Variants in MORF4L1 observed in about 807,000 individuals in gnomAD.
MORF4L1 encodes the protein mortality factor 4 like 1.
Under a neutral mutation model 52.9 loss-of-function variants are expected in MORF4L1, and 4 were observed. That is an observed-to-expected ratio of 0.08 (90% CI 0.04 to 0.17). The LOEUF (loss-of-function observed/expected upper bound fraction) is 0.17. Among genes scored for constraint, MORF4L1 ranks in the 10% least tolerant of loss-of-function variants. MORF4L1 has a pLI of 1.00. For missense variants in MORF4L1, 214 were observed against 390.4 expected, an observed-to-expected ratio of 0.55 and a Z score of 3.81; for synonymous variants, 123 against 134.8, an observed-to-expected ratio of 0.91 and a Z score of 0.61.
intron 6 of MORF4L1, 164 bp downstream of exon 6, chr15:78,891,178 CT>C (rs1277713864): frequency 6.7e-6 from 6 of 894,262 alleles, no homozygotes; most frequent in Non-Finnish European, 1.0e-5. Context: ...GTAGAGACCT[CT>C]TTTTGCCAAG....
At position 78,894,920 on chromosome 15, in the gene MORF4L1, A is replaced by G. The variant is rs1261699748; in HGVS notation, c.887+16A>G. On this transcript the variant is annotated intron_variant, in intron 11 of 11. Coordinates refer to ENST00000426013, the MANE Select transcript of MORF4L1 (RefSeq NM_006791.4). Reference sequence around the variant, plus strand: ...ATTTCCTAAAGTAAGTCTGTGCTTGAAATTATAAACATGGATTTGAAAATT... The same window carrying G: ...ATTTCCTAAAGTAAGTCTGTGCTTGGAATTATAAACATGGATTTGAAAATT... 1 of 1,592,946 alleles carries G rather than the reference A, an allele frequency of 6.3e-7. No homozygotes were observed. Among genetic ancestry groups the G allele is most frequent in the East Asian group, 2.2e-5 (1 of 44,758 alleles).
intron 11 of MORF4L1, among the ~76,000 whole-genome samples, chr15:78,896,073 G>T (rs2056882770): frequency 6.6e-6 from 1 of 152,072 alleles, no homozygotes; most frequent in African/African-American, 2.4e-5. Flanking sequence ...CCGCCTCTTG[G>T]GTTCAAACGA....
At chr15:78,873,223 G>A (rs540527005) in intron 1 of MORF4L1, 166 bp downstream of exon 1, 2 of 1,512,766 alleles carry the variant, frequency 1.3e-6, no homozygotes, top group African/African-American at 1.4e-5. Flanking sequence ...ATTCCGGTGC[G>A]TCATTGTGAG....
chr15:78,878,266 A>G lies in MORF4L1; in HGVS notation c.87+7A>G. 1.2e-6 allele frequency: 2 copies of G among 1,610,602 alleles called. No individual in the cohort carries two copies. The highest frequency in any genetic ancestry group is 8.5e-7 in the Non-Finnish European group (1 of 1,179,160). Reference sequence around the variant, plus strand: ...TCTTCTTTATGAAGCAAAGGTATGAAACTTGTTTTCTTTTGAGAAGTTGGC... The same window carrying G: ...TCTTCTTTATGAAGCAAAGGTATGAGACTTGTTTTCTTTTGAGAAGTTGGC... On this transcript the variant is annotated splice_region_variant and intron_variant, in intron 2 of 11. Coordinates refer to ENST00000426013, the MANE Select transcript of MORF4L1 (RefSeq NM_006791.4).
Position 78,892,114 on chromosome 15 carries a change from A to G in MORF4L1, c.439-98A>G, listed in dbSNP as rs1025740681. ...GTACAGCTGTATGCTTGGCTACTTTAAGATTTATCCCTAGTGCCTCTAAAA... is the reference window on the plus strand; with the variant it reads ...GTACAGCTGTATGCTTGGCTACTTTGAGATTTATCCCTAGTGCCTCTAAAA... On this transcript the variant is annotated intron_variant, in intron 7 of 11. Transcript: ENST00000426013. 2.5e-5 allele frequency: 18 copies of G among 712,924 alleles called. 1 individual carries two copies. Among genetic ancestry groups the G allele is most frequent in the Admixed American group, 8.2e-5 (3 of 36,708 alleles). 44.2% of individuals were successfully genotyped at this position (712,924 alleles called of 1,614,324 possible). A position where few individuals can be genotyped will look rare whatever the true frequency, so the allele number is the denominator to read the frequency against.
In MORF4L1 at chr15:78,891,004, C is replaced by A; in HGVS notation, c.339C>A (p.Asn113Lys). The A allele has an allele frequency of 6.9e-7, 1 of 1,454,746 alleles. No homozygotes were observed. Among genetic ancestry groups the A allele is most frequent in the Non-Finnish European group, 9.2e-7 (1 of 1,082,818 alleles). 90.1% of individuals were successfully genotyped at this position (1,454,746 alleles called of 1,614,324 possible). ...QKNVEVKTKKNKQKTPGNGDG... is the reference protein window; with the variant it reads ...QKNVEVKTKKKKQKTPGNGDG... ...CTCCTTTTAGGAAAACGAAAAAGAA[C>A]AAACAGAAAAGTAAGAATATTAACT... Residue 113 changes from asparagine (N) to lysine (K), a missense_variant, in exon 6 of 12, where the codon AAC (asparagine) becomes AAA (lysine). Asn to Lys is a moderately conservative substitution (Grantham distance 94). Transcript: ENST00000426013.
chr15:78,877,564 G>C (rs2056518876), intron 1 of MORF4L1, among the ~76,000 whole-genome samples: 1 of 152,200 alleles, frequency 6.6e-6, no homozygotes, highest in South Asian at 2.1e-4. Flanking sequence ...GTACTGCCTA[G>C]AATTGCTTCC....
chr15:78,877,251 G>T (rs140722145), intron 1 of MORF4L1, among the ~76,000 whole-genome samples: 1 of 151,716 alleles, frequency 6.6e-6, no homozygotes, highest in African/African-American at 2.4e-5. Flanking sequence ...CTCCCGAATA[G>T]CTGGGATTAC....
At chr15:78,891,095 T>C in intron 6 of MORF4L1, 81 bp downstream of exon 6, 2 of 1,383,194 alleles carry the variant, frequency 1.4e-6, no homozygotes, top group East Asian at 5.3e-5. Flanking sequence ...TATGAAATTT[T>C]GGAGTAAGCT....
chr15:78,879,670 G>A lies in MORF4L1; in HGVS notation c.88-842G>A, dbSNP rs151111646. Among the ~76,000 whole-genome samples the A allele has an allele frequency of 3.9e-3, 588 of 151,864 alleles. 6 individuals are homozygous for A. The highest frequency in any genetic ancestry group is 0.013 in the African/African-American group (556 of 41,372). On this transcript the variant is annotated intron_variant, in intron 2 of 11. Coordinates refer to ENST00000426013, the MANE Select transcript of MORF4L1 (RefSeq NM_006791.4). ...ACGACTCATGGCCAGGGGCTGTGAC[G>A]TACAAGCCTGTAATCCCAGGGCTTT...
At chr15:78,875,349 A>T (rs78990271) in intron 1 of MORF4L1, among the ~76,000 whole-genome samples, 127 of 152,370 alleles carry the variant, frequency 8.3e-4, no homozygotes, top group African/African-American at 3.0e-3. Context: ...ATTGGAGAAG[A>T]GTAGGAACCA....
chr15:78,873,236 A>G (rs956048475), intron 1 of MORF4L1, 179 bp downstream of exon 1: 175 of 1,509,142 alleles, frequency 1.2e-4, no homozygotes, highest in Non-Finnish European at 1.5e-4. Flanking sequence ...ATTGTGAGAA[A>G]GCGCTTTGTG....
Position 78,886,129 on chromosome 15 carries a change from C to G in MORF4L1, c.156-12C>G, listed in dbSNP as rs2056698988. ...TATTTTTGAGTTAAATTTTAACTTT[C>G]CTCTTTTTCAGTTGGGATGAATGGG... On this transcript the variant is annotated splice_polypyrimidine_tract_variant and intron_variant, in intron 3 of 11. Coordinates refer to ENST00000426013, the MANE Select transcript of MORF4L1 (RefSeq NM_006791.4). 36 of 1,607,468 alleles carry G rather than the reference C, an allele frequency of 2.2e-5. No homozygotes were observed. The highest frequency in any genetic ancestry group is 3.1e-5 in the Non-Finnish European group (36 of 1,174,194).
At position 78,894,069 on chromosome 15, in the gene MORF4L1, T is replaced by A; in HGVS notation, c.641T>A (p.Val214Asp). ...RGNTDNKEYA[V>D]NEVVAGIKEY... ...TGTTCATTTATCAGGGAGTATGCGGTTAATGAAGTTGTGGCAGGGATAAAA... is the reference window on the plus strand; with the variant it reads ...TGTTCATTTATCAGGGAGTATGCGGATAATGAAGTTGTGGCAGGGATAAAA... Residue 214 changes from valine (V) to aspartate (D), a missense_variant, in exon 10 of 12, where the codon GTT (valine) becomes GAT (aspartate). Val to Asp is a radical substitution (Grantham distance 152). Coordinates refer to ENST00000426013, the MANE Select transcript of MORF4L1 (RefSeq NM_006791.4). 1 of 1,612,998 alleles carries A rather than the reference T, an allele frequency of 6.2e-7. No individual in the cohort carries two copies. Among genetic ancestry groups the A allele is most frequent in the Non-Finnish European group, 8.5e-7 (1 of 1,179,396 alleles).
chr15:78,887,302 T>A lies in MORF4L1; in HGVS notation c.276T>A (p.Ala92=). Residue 92 remains alanine (A), a synonymous_variant, in exon 5 of 12, where the codon GCT becomes GCA. Coordinates refer to ENST00000426013, the MANE Select transcript of MORF4L1 (RefSeq NM_006791.4). ...EQYAEGKMRG[A]APGKKTSGLQ... is the part of the protein sequence containing the mutation. ...ATGCAGAGGGGAAGATGAGAGGGGC[T>A]GCCCCAGGAAAGAAGACATCTGGTC... is the stretch of plus-strand genomic sequence containing the variant. 6.2e-7 allele frequency: 1 copy of A among 1,611,862 alleles called. No homozygotes were observed. The highest frequency in any genetic ancestry group is 2.2e-5 in the East Asian group (1 of 44,872).
intron 2 of MORF4L1, 82 bp from the exon 3 acceptor site, chr15:78,880,428 TAG>T: frequency 2.1e-6 from 2 of 947,360 alleles, no homozygotes; most frequent in Non-Finnish European, 3.3e-6. Flanking sequence ...AAAGCTTGTG[TAG>T]AGTGTCTTTG....
At chr15:78,873,178 G>A in intron 1 of MORF4L1, 121 bp downstream of exon 1, 1 of 1,524,050 alleles carries the variant, frequency 6.6e-7, no homozygotes, top group Non-Finnish European at 8.8e-7. Flanking sequence ...GCGGCGGTCA[G>A]TGCTTTGTGC....
chr15:78,891,653 A>T lies in MORF4L1; in HGVS notation c.438+81A>T, dbSNP rs1398947833. 1.2e-5 allele frequency: 14 copies of T among 1,149,730 alleles called. No homozygotes were observed. The Admixed American group carries it at 2.5e-4, about 21-fold the overall frequency. 71.2% of individuals were successfully genotyped at this position (1,149,730 alleles called of 1,614,324 possible). On this transcript the variant is annotated intron_variant, in intron 7 of 11. Transcript: ENST00000426013. ...TGACATAACCATGGGAGCTTTGATTATCTACAAGATTTGCTTACATGGTTA... is the reference window on the plus strand; with the variant it reads ...TGACATAACCATGGGAGCTTTGATTTTCTACAAGATTTGCTTACATGGTTA...
chr15:78,895,782 T>C (rs1428290462), intron 11 of MORF4L1, among the ~76,000 whole-genome samples: 1 of 152,206 alleles, frequency 6.6e-6, no homozygotes, highest in Non-Finnish European at 1.5e-5. Flanking sequence ...GTTTCTACTT[T>C]GTATACTTCT....
Sources: gnomAD v4.1 joint callset for allele counts (sites outside exome capture counted in the v4.1 genomes callset) on GRCh38, gnomAD v4.1.1 for gene constraint, MANE v1.5 for transcripts, NCBI Gene and HGNC (gene_info 2026-07-23, HGNC 2026-07-21) for gene names.